KIF1B: variants seen among roughly 807,000 people sequenced by gnomAD.
KIF1B encodes kinesin-like protein KIF1B.
KIF1B carries 76 observed loss-of-function variants against 241.9 expected under a neutral mutation model. That is an observed-to-expected ratio of 0.31 (90% confidence interval 0.26 to 0.38). The LOEUF is 0.38. Among genes scored for constraint, KIF1B ranks in the 10% least tolerant of loss-of-function variants. The pLI is 1.00. For missense variants in KIF1B, 1,622 were observed against 2,271.4 expected, an observed-to-expected ratio of 0.71 and a Z score of 5.81; for synonymous variants, 750 against 796.7, an observed-to-expected ratio of 0.94 and a Z score of 0.99.
Position 10,267,540 on chromosome 1 carries a change from A to G in KIF1B, c.590A>G (p.Asp197Gly). 6.2e-7 allele frequency: 1 copy of G among 1,614,148 alleles called. No individual in the cohort carries two copies. The highest frequency in any genetic ancestry group is 8.5e-7 in the Non-Finnish European group (1 of 1,179,972). Residue 197 changes from aspartate to glycine, a missense_variant, in exon 6 of 49, where the codon GAT (aspartate) becomes GGT (glycine). Physicochemically the swap from Asp to Gly is moderately conservative, Grantham distance 94. Coordinates refer to ENST00000676179, the MANE Select transcript of KIF1B (RefSeq NM_001365951.3). ...TACACAGACATTGCTGACCTCATGGATGCTGGGAACAAAGCCAGGTATGGT... is the reference window on the plus strand; with the variant it reads ...TACACAGACATTGCTGACCTCATGGGTGCTGGGAACAAAGCCAGGTATGGT... ...TSYTDIADLMDAGNKARTVAA... is the reference protein window; with the variant it reads ...TSYTDIADLMGAGNKARTVAA...
chr1:10,260,332 G>A (rs1301495936), intron 4 of KIF1B, among the ~76,000 whole-genome samples: 1 of 152,206 alleles, frequency 6.6e-6, no homozygotes, highest in Non-Finnish European at 1.5e-5. Context: ...GGAGCTTGCA[G>A]GGCTGGAAGT....
At position 10,272,962 on chromosome 1, in the gene KIF1B, T is replaced by C; in HGVS notation, c.865-52T>C. 3 of 1,454,418 alleles carry C rather than the reference T, an allele frequency of 2.1e-6. 1 individual carries two copies. The highest frequency in any genetic ancestry group is 2.8e-6 in the Non-Finnish European group (3 of 1,067,126). The allele number at this position is 1,454,418 out of a possible 1,614,324, so 90.1% of individuals were successfully genotyped here. On this transcript the variant is annotated intron_variant, in intron 9 of 48. Coordinates refer to ENST00000676179, the MANE Select transcript of KIF1B (RefSeq NM_001365951.3). ...TTTAAACAAAATCTAATTTTCTACT[T>C]GGAGGCTTATCCTGTGTTCTTATTT...
At chr1:10,243,707 AT>A (rs1647169610) in intron 2 of KIF1B, among the ~76,000 whole-genome samples, 1 of 152,358 alleles carries the variant, frequency 6.6e-6, no homozygotes, top group African/African-American at 2.4e-5. Flanking sequence ...ACCTCTCACA[AT>A]ATTTATTAAG....
rs963246109 is a variant in KIF1B at position 10,377,229 on chromosome 1, T to C, written c.*642T>C. ...AGTGAGCATAGAACTGCAACAGTTA[T>C]ATTCTGAGTCAAAGTTGGGGCTTTT... On this transcript the variant is annotated 3_prime_UTR_variant, in exon 49 of 49. Transcript: ENST00000676179. 3 of 231,758 alleles carry C rather than the reference T, an allele frequency of 1.3e-5. No homozygotes were observed. The highest frequency in any genetic ancestry group is 4.4e-5 in the African/African-American group (2 of 45,170). 14.4% of individuals were successfully genotyped at this position (231,758 alleles called of 1,614,324 possible). A position where few individuals can be genotyped will look rare whatever the true frequency, so the allele number is the denominator to read the frequency against.
At chr1:10,306,336 G>A (rs1650825773) in intron 22 of KIF1B, 2 of 1,047,674 alleles carry the variant, frequency 1.9e-6, no homozygotes, top group Admixed American at 1.1e-4. Context: ...TTGATAGGCT[G>A]CTTCAAATCA....
At position 10,272,269 on chromosome 1, in the gene KIF1B, C is replaced by A; in HGVS notation, c.827C>A (p.Thr276Lys). The A allele has an allele frequency of 6.2e-7, 1 of 1,606,482 alleles. No individual in the cohort carries two copies. Residue 276 changes from threonine (T) to lysine (K), a missense_variant, in exon 9 of 49, where the codon ACA (threonine) becomes AAA (lysine). Transcript: ENST00000676179. ...KEGANINKSL[T>K]TLGKVISALA... ...GGAGCAAATATTAATAAGTCTCTTA[C>A]AACTTTGGGCAAAGTCATTTCAGCC...
Position 10,303,186 on chromosome 1 carries a change from C to A in KIF1B, c.2115+5940C>A. 2.5e-6 allele frequency: 4 copies of A among 1,613,236 alleles called. No individual in the cohort carries two copies. Among genetic ancestry groups the A allele is most frequent in the Non-Finnish European group, 3.4e-6 (4 of 1,179,648 alleles). ...AGGACGCGGATTCTGATAGCGGGGA[C>A]GATTCTGACAAGAGGTCGTGTGAAG... On this transcript the variant is annotated intron_variant, in intron 22 of 48. Coordinates refer to ENST00000676179, the MANE Select transcript of KIF1B (RefSeq NM_001365951.3). The surrounding 1 kb of genome is among the most constrained non-coding windows in gnomAD (Gnocchi z 5.2).
intron 1 of KIF1B, among the ~76,000 whole-genome samples, chr1:10,218,482 GT>G (rs1270432104): frequency 6.6e-6 from 1 of 151,558 alleles, no homozygotes. Context: ...GTGCAGTGGT[GT>G]GACCTTGGCT....
At chr1:10,340,566 G>A (rs1652354605) in intron 32 of KIF1B, among the ~76,000 whole-genome samples, 1 of 152,154 alleles carries the variant, frequency 6.6e-6, no homozygotes, top group Non-Finnish European at 1.5e-5. Flanking sequence ...CACTCATCAG[G>A]CTGGGCGCAG....
intron 37 of KIF1B, among the ~76,000 whole-genome samples, chr1:10,350,431 G>GGC (rs1652751098): frequency 6.6e-6 from 1 of 151,698 alleles, no homozygotes; most frequent in Non-Finnish European, 1.5e-5. Flanking sequence ...GTGGTGGTGG[G>GGC]CGCCTGTAGT....
intron 2 of KIF1B, among the ~76,000 whole-genome samples, chr1:10,254,573 G>C (rs1647648814): frequency 6.6e-6 from 1 of 152,050 alleles, no homozygotes; most frequent in Non-Finnish European, 1.5e-5. Flanking sequence ...TACATAGTAA[G>C]ATCTTTAAAA....
chr1:10,324,201 A>G, intron 25 of KIF1B, 139 bp downstream of exon 25: 1 of 813,118 alleles, frequency 1.2e-6, no homozygotes, highest in Non-Finnish European at 2.1e-6. Context: ...GTTGTTGGCC[A>G]ATGGTATTAC....
Position 10,337,084 on chromosome 1 carries a change from C to T in KIF1B, c.3140C>T (p.Ser1047Leu), listed in dbSNP as rs267597898. Residue 1047 changes from serine to leucine, a missense_variant, in exon 30 of 49, where the codon TCG (serine) becomes TTG (leucine). By Grantham distance (145) the Ser-to-Leu change is moderately radical. Coordinates refer to ENST00000676179, the MANE Select transcript of KIF1B (RefSeq NM_001365951.3). The surrounding 1 kb of genome is among the most constrained non-coding windows in gnomAD (Gnocchi z 4.0). ...DNEYFNQSDF[S>L]SVAMTRSGLS... is the part of the protein sequence containing the mutation. ...CTGCCTTTTTTTCAGAGTGACTTTT[C>T]GTCTGTTGCAATGACTCGTTCTGGT... 6.2e-6 allele frequency: 10 copies of T among 1,614,006 alleles called. No homozygotes were observed. Among genetic ancestry groups the T allele is most frequent in the South Asian group, 1.1e-5 (1 of 91,074 alleles).
At position 10,374,838 on chromosome 1, in the gene KIF1B, A is replaced by G. The variant is rs1638839077; in HGVS notation, c.5097-16A>G. Reference sequence around the variant, plus strand: ...TTTTTGTGAGAAACTAACTTTTGTCATATTGTCGTTTTTAGCTCAGTGGTC... The same window carrying G: ...TTTTTGTGAGAAACTAACTTTTGTCGTATTGTCGTTTTTAGCTCAGTGGTC... On this transcript the variant is annotated splice_polypyrimidine_tract_variant and intron_variant, in intron 46 of 48. Coordinates refer to ENST00000676179, the MANE Select transcript of KIF1B (RefSeq NM_001365951.3). The surrounding 1 kb of genome is among the most constrained non-coding windows in gnomAD (Gnocchi z 4.3). 6.2e-7 allele frequency: 1 copy of G among 1,612,990 alleles called. No individual in the cohort carries two copies. The highest frequency in any genetic ancestry group is 8.5e-7 in the Non-Finnish European group (1 of 1,179,008).
chr1:10,229,777 C>T (rs1180049342), intron 1 of KIF1B, among the ~76,000 whole-genome samples: 3 of 140,134 alleles, frequency 2.1e-5, no homozygotes, highest in South Asian at 2.4e-4. Flanking sequence ...AGGAGAATGG[C>T]GTGAACCTGG....
chr1:10,354,673 A>G (rs953109595), intron 38 of KIF1B, among the ~76,000 whole-genome samples: 1 of 152,226 alleles, frequency 6.6e-6, no homozygotes, highest in Non-Finnish European at 1.5e-5. Flanking sequence ...TACAACTGGC[A>G]TAAACAGATT....
chr1:10,283,791 C>T (rs576768875), intron 15 of KIF1B, among the ~76,000 whole-genome samples: 1 of 152,314 alleles, frequency 6.6e-6, no homozygotes, highest in African/African-American at 2.4e-5. Flanking sequence ...TGAGAAGTTG[C>T]AGTCATGCTG....
At position 10,357,700 on chromosome 1, in the gene KIF1B, G is replaced by T. The variant is rs1015190529; in HGVS notation, c.4056-3229G>T. On this transcript the variant is annotated intron_variant, in intron 38 of 48. Coordinates refer to ENST00000676179, the MANE Select transcript of KIF1B (RefSeq NM_001365951.3). ...AGTGCACTCCAGCCTGGGCAACAGA[G>T]CAAGACCCTTGTCTAAAAATAAAAT... Among the ~76,000 whole-genome samples the T allele has an allele frequency of 6.0e-5, 9 of 149,426 alleles. No homozygotes were observed. The South Asian group carries it at 1.7e-3, about 28-fold the overall frequency.
chr1:10,215,304 G>A (rs1416519600), intron 1 of KIF1B, among the ~76,000 whole-genome samples: 4 of 149,096 alleles, frequency 2.7e-5, no homozygotes, highest in Non-Finnish European at 5.9e-5. Context: ...AGCCTCCCTA[G>A]TAGCTGGGAT....
Sources: allele counts gnomAD v4.1 joint callset (sites outside exome capture counted in the v4.1 genomes callset), GRCh38; gene constraint gnomAD v4.1.1; non-coding constraint Gnocchi (gnomAD v3.1); transcripts MANE v1.5; gene names NCBI Gene and HGNC (gene_info 2026-07-23, HGNC 2026-07-21).